The following WBP2NL variants were observed in gnomAD, a reference collection of about 807,000 sequenced individuals.
WBP2NL encodes the protein postacrosomal sheath WW domain-binding protein.
Under a neutral mutation model 23.3 loss-of-function variants are expected in WBP2NL, and 27 were observed. That is an observed-to-expected ratio of 1.16 (90% confidence interval 0.85 to 1.60). WBP2NL has a LOEUF of 1.60. Ranked by LOEUF, WBP2NL falls within the 40% of genes most tolerant of loss-of-function variation. The pLI is 0.00. For missense variants in WBP2NL, 370 were observed against 389.5 expected (o/e 0.95, Z 0.42); for synonymous variants, 151 against 145.9 (o/e 1.03, Z -0.25).
intron 1 of WBP2NL, among the ~76,000 whole-genome samples, chr22:42,018,330 AG>A (rs1923522596): frequency 6.9e-6 from 1 of 145,848 alleles, no homozygotes. Flanking sequence ...AAAAAAAAAA[AG>A]ACAGAAGAAA....
At chr22:42,051,310 G>A (rs1925830477) in intron 8 of WBP2NL, among the ~76,000 whole-genome samples, 1 of 152,122 alleles carries the variant, frequency 6.6e-6, no homozygotes, top group African/African-American at 2.4e-5. Flanking sequence ...TATGGAGACA[G>A]TGAAAAGATC....
At chr22:42,039,813 T>TTTATTTCTGCTCTAATTTTTC (rs1431868699) in intron 8 of WBP2NL, among the ~76,000 whole-genome samples, 1 of 152,064 alleles carries the variant, frequency 6.6e-6, no homozygotes, top group Non-Finnish European at 1.5e-5. Flanking sequence ...CTCTATTTTG[T>TTTATTTCTGCTCTAATTTTTC]TTATTTCTGC....
intron 4 of WBP2NL, 63 bp downstream of exon 4, chr22:42,020,159 T>C: frequency 1.4e-6 from 2 of 1,389,142 alleles, no homozygotes; most frequent in Non-Finnish European, 2.0e-6. Context: ...TTTGGGTTTT[T>C]TGTTGTTGTT....
chr22:42,057,994 G>A (rs1275504487), intron 8 of WBP2NL, among the ~76,000 whole-genome samples: 1 of 127,072 alleles, frequency 7.9e-6, no homozygotes, highest in Non-Finnish European at 1.6e-5. Context: ...TCGGCTCACT[G>A]CAACCTCCGC....
chr22:42,019,850 T>C, intron 3 of WBP2NL, 47 bp downstream of exon 3: 2 of 1,608,746 alleles, frequency 1.2e-6, no homozygotes, highest in Non-Finnish European at 8.5e-7. Context: ...CTCAAAATCT[T>C]CTAAAAGGTT....
downstream of WBP2NL, among the ~76,000 whole-genome samples, chr22:42,034,167 G>T (rs1298019724): frequency 2.6e-5 from 4 of 152,260 alleles, no homozygotes; most frequent in East Asian, 7.7e-4. Flanking sequence ...TGAGATCAGA[G>T]AAGGCAGGGA....
chr22:42,008,084 T>G (rs1489922325), intron 1 of WBP2NL, among the ~76,000 whole-genome samples: 1 of 151,624 alleles, frequency 6.6e-6, no homozygotes, highest in Non-Finnish European at 1.5e-5. Context: ...TCTTCTCTTC[T>G]CCTCTTCCTT....
At chr22:42,036,589 C>T (rs1196920009), downstream of WBP2NL, among the ~76,000 whole-genome samples, 2 of 152,170 alleles carry the variant, frequency 1.3e-5, no homozygotes, top group Admixed American at 6.5e-5. Flanking sequence ...TCCTTGACAA[C>T]ATTTGTTATC....
chr22:42,002,164 T>A (rs907020864), intron 1 of WBP2NL, among the ~76,000 whole-genome samples: 2 of 152,240 alleles, frequency 1.3e-5, no homozygotes, highest in Non-Finnish European at 2.9e-5. Flanking sequence ...ACAGAAACAC[T>A]GATTTTTGTG....
chr22:42,014,199 G>A (rs1478837395), intron 1 of WBP2NL, among the ~76,000 whole-genome samples: 1 of 152,140 alleles, frequency 6.6e-6, no homozygotes, highest in Non-Finnish European at 1.5e-5. Flanking sequence ...GGGATTACAG[G>A]CATGAGCCAC....
intron 5 of WBP2NL, among the ~76,000 whole-genome samples, chr22:42,023,102 C>G (rs1924120586): frequency 6.6e-6 from 1 of 152,058 alleles, no homozygotes; most frequent in Non-Finnish European, 1.5e-5. Context: ...GTGTACAATT[C>G]AGTGGTATTT....
At chr22:42,041,655 A>G (rs1925403919) in intron 8 of WBP2NL, among the ~76,000 whole-genome samples, 1 of 152,022 alleles carries the variant, frequency 6.6e-6, no homozygotes, top group Non-Finnish European at 1.5e-5. Context: ...TTGTGACTCT[A>G]TTACCAAATT....
intron 1 of WBP2NL, among the ~76,000 whole-genome samples, chr22:42,012,774 C>T (rs973497693): frequency 5.9e-5 from 9 of 151,902 alleles, no homozygotes; most frequent in African/African-American, 1.9e-4. Context: ...AGGTGGATCA[C>T]GAGGTCAGAA....
intron 8 of WBP2NL, among the ~76,000 whole-genome samples, chr22:42,042,642 G>T (rs544970041): frequency 1.3e-5 from 2 of 152,176 alleles, no homozygotes; most frequent in South Asian, 4.1e-4. Context: ...TTTATCAGGC[G>T]GTTCATGGAT....
At chr22:42,049,559 G>A (rs905970221) in intron 8 of WBP2NL, among the ~76,000 whole-genome samples, 2 of 151,574 alleles carry the variant, frequency 1.3e-5, no homozygotes, top group South Asian at 4.2e-4. Context: ...GCGTGGTGGC[G>A]GGCACCTGTA....
At chr22:42,026,671 C>T in intron 5 of WBP2NL, 95 bp from the exon 6 acceptor site, 2 of 1,522,846 alleles carry the variant, frequency 1.3e-6, no homozygotes, top group South Asian at 2.6e-5. Context: ...CTTCTTGCGT[C>T]AGTTTGCTTC....
chr22:42,041,636 C>A (rs532885281), intron 8 of WBP2NL, among the ~76,000 whole-genome samples: 8 of 151,940 alleles, frequency 5.3e-5, no homozygotes, highest in Non-Finnish European at 1.2e-4. Context: ...TAGCTTACTT[C>A]TTTTTATATT....
At position 42,009,105 on chromosome 22, in the gene WBP2NL, AG is replaced by A. The variant is rs993769320; in HGVS notation, c.63-10203del. On this transcript the variant is annotated intron_variant, in intron 1 of 5. Coordinates refer to ENST00000328823, the MANE Select transcript of WBP2NL (RefSeq NM_152613.3). Reference sequence around the variant, plus strand: ...ATTTTTTTGTATTTTTAGTAGAGACAGGGTTTCACCATGTTGGGCTGGCTGG... The same window carrying A: ...ATTTTTTTGTATTTTTAGTAGAGACAGGTTTCACCATGTTGGGCTGGCTGG... Among the ~76,000 whole-genome samples the A allele has an allele frequency of 4.6e-5, 7 of 152,046 alleles. 1 individual carries two copies. The highest frequency in any genetic ancestry group is 2.6e-4 in the Admixed American group (4 of 15,268).
chr22:42,017,218 C>G (rs1923383908), intron 1 of WBP2NL, among the ~76,000 whole-genome samples: 1 of 152,162 alleles, frequency 6.6e-6, no homozygotes, highest in Non-Finnish European at 1.5e-5. Context: ...ATGGCTCAAG[C>G]AATCTTCCCA....
Sources: allele counts gnomAD v4.1 joint callset (sites outside exome capture counted in the v4.1 genomes callset), GRCh38; gene constraint gnomAD v4.1.1; transcripts MANE v1.5; gene names NCBI Gene and HGNC (gene_info 2026-07-23, HGNC 2026-07-21).